CMSS1: variants seen among roughly 807,000 people sequenced by gnomAD.
CMSS1 encodes the protein protein CMSS1.
In CMSS1, 33 loss-of-function variants were observed where a neutral mutation model predicts 43.5. The ratio of observed to expected loss-of-function variants is 0.76; its 90% CI spans 0.57 to 1.01. The LOEUF is 1.01. Ranked by LOEUF, CMSS1 falls within the 50% of genes least tolerant of loss-of-function variation. The pLI is 0.00. For missense variants in CMSS1, 313 were observed against 326.4 expected, an observed-to-expected ratio of 0.96 and a Z score of 0.32; for synonymous variants, 115 against 117.2, an observed-to-expected ratio of 0.98 and a Z score of 0.12.
chr3:99,934,260 T>C (rs1707586278), intron 1 of CMSS1, among the ~76,000 whole-genome samples: 1 of 152,158 alleles, frequency 6.6e-6, no homozygotes, highest in African/African-American at 2.4e-5. Context: ...CAAGGCCACA[T>C]TGCAAAGGAA....
chr3:99,839,416 G>T (rs1266117392), intron 1 of CMSS1, among the ~76,000 whole-genome samples: 1 of 152,192 alleles, frequency 6.6e-6, no homozygotes, highest in Non-Finnish European at 1.5e-5. Flanking sequence ...CCTAATAGAA[G>T]ACATTCATGC....
intron 1 of CMSS1, among the ~76,000 whole-genome samples, chr3:100,038,756 C>T (rs1212491184): frequency 6.6e-6 from 1 of 152,162 alleles, no homozygotes; most frequent in Non-Finnish European, 1.5e-5. Context: ...CCACCTCAGC[C>T]TCCCAAGTAG....
chr3:99,853,319 C>T, intron 1 of CMSS1, among the ~76,000 whole-genome samples: 1 of 152,218 alleles, frequency 6.6e-6, no homozygotes, highest in East Asian at 1.9e-4. Context: ...CTCTACACCA[C>T]AGTTCTTACA....
At chr3:100,106,218 G>C (rs1446752518) in intron 1 of CMSS1, among the ~76,000 whole-genome samples, 1 of 152,128 alleles carries the variant, frequency 6.6e-6, no homozygotes, top group Non-Finnish European at 1.5e-5. Flanking sequence ...GTACAGCCAG[G>C]ATACCATTAT....
At chr3:100,075,982 G>A (rs1217945821) in intron 1 of CMSS1, among the ~76,000 whole-genome samples, 1 of 152,112 alleles carries the variant, frequency 6.6e-6, no homozygotes, top group East Asian at 1.9e-4. Context: ...ACCTCACTTT[G>A]AAGACACAAA....
rs925007567 is a variant in CMSS1, at chr3:99,942,558, G to A, written c.64+124515G>A. On this transcript the variant is annotated intron_variant, in intron 1 of 9. Transcript: ENST00000421999. ...TTAAGAAGTGGTTTCCTTGCCAGTC[G>A]CCGTGGCTCACGCCTGTAATCCCAG... Among the ~76,000 whole-genome samples the A allele has an allele frequency of 5.3e-5, 8 of 152,174 alleles. No individual in the cohort carries two copies. In the South Asian group the frequency reaches 1.0e-3, roughly 20 times the overall value.
At chr3:99,869,214 G>A (rs1236413216) in intron 1 of CMSS1, among the ~76,000 whole-genome samples, 2 of 152,160 alleles carry the variant, frequency 1.3e-5, no homozygotes, top group Non-Finnish European at 2.9e-5. Flanking sequence ...TTTAATTAAA[G>A]TCCAGATGGG....
intron 1 of CMSS1, among the ~76,000 whole-genome samples, chr3:99,978,900 G>A (rs1709043782): frequency 1.3e-5 from 2 of 151,854 alleles, no homozygotes; most frequent in Non-Finnish European, 2.9e-5. Flanking sequence ...AAAAAAAGAA[G>A]CAGAAGTAGG....
At chr3:99,961,701 T>TA (rs138755159) in intron 1 of CMSS1, among the ~76,000 whole-genome samples, 1 of 152,086 alleles carries the variant, frequency 6.6e-6, no homozygotes, top group African/African-American at 2.4e-5. Flanking sequence ...TGATTTAGTC[T>TA]AAAAAAAATT....
intron 1 of CMSS1, chr3:99,930,044 A>C (rs1180941658): frequency 6.3e-7 from 1 of 1,587,064 alleles, no homozygotes; most frequent in East Asian, 2.3e-5. Flanking sequence ...AGGAACAAAA[A>C]GTATTTCAGA....
chr3:99,819,571 T>C (rs79224460), intron 1 of CMSS1, among the ~76,000 whole-genome samples: 3,711 of 152,292 alleles, frequency 0.024, 86 homozygotes, highest in East Asian at 0.13. Flanking sequence ...AAAAGTTAAG[T>C]CGTGTTCTTA....
intron 1 of CMSS1, among the ~76,000 whole-genome samples, chr3:100,071,090 C>CTTTTTTTTTTT (rs61563009): frequency 1.4e-5 from 1 of 70,576 alleles, no homozygotes; most frequent in African/African-American, 6.1e-5. Context: ...GCTACTCTCT[C>CTTTTTTTTTTT]TTTTTTTTTT....
intron 1 of CMSS1, among the ~76,000 whole-genome samples, chr3:99,820,782 G>C (rs962885374): frequency 1.3e-5 from 2 of 152,162 alleles, no homozygotes; most frequent in African/African-American, 4.8e-5. Context: ...TTATTTGATA[G>C]GGATGTCAAA....
In CMSS1 at chr3:100,180,001, G is replaced by A. The variant is rs971491313; in HGVS notation, c.*1613G>A. ...CCAACAGCACGTGGAAGCTGCCAAG[G>A]CTTGGGGCTTGCACCCTCTGAAGCA... On this transcript the variant is annotated 3_prime_UTR_variant, in exon 10 of 10. Coordinates refer to ENST00000421999, the MANE Select transcript of CMSS1 (RefSeq NM_032359.4). 1 of 152,334 alleles carries A rather than the reference G, an allele frequency of 6.6e-6. No individual in the cohort carries two copies. The highest frequency in any genetic ancestry group is 1.9e-4 in the East Asian group (1 of 5,204). 9.4% of individuals were successfully genotyped at this position (152,334 alleles called of 1,614,324 possible). A position where few individuals can be genotyped will look rare whatever the true frequency, so the allele number is the denominator to read the frequency against.
intron 1 of CMSS1, among the ~76,000 whole-genome samples, chr3:99,945,711 T>G (rs1297698739): frequency 6.6e-6 from 1 of 152,188 alleles, no homozygotes; most frequent in Non-Finnish European, 1.5e-5. Flanking sequence ...ATTTTGGCAT[T>G]TAGGAGCAGC....
chr3:100,030,019 C>G (rs1381695141), intron 1 of CMSS1, among the ~76,000 whole-genome samples: 1 of 152,098 alleles, frequency 6.6e-6, no homozygotes, highest in Non-Finnish European at 1.5e-5. Context: ...TCACATTTCT[C>G]TAGCATGGAA....
At position 99,817,958 on chromosome 3, in the gene CMSS1, C is replaced by G. The variant is rs979953308; in HGVS notation, c.-22C>G. On this transcript the variant is annotated 5_prime_UTR_variant, in exon 1 of 10. Coordinates refer to ENST00000421999, the MANE Select transcript of CMSS1 (RefSeq NM_032359.4). ...TGGTCGCCTACCCGTGATGTTCTGC[C>G]CACGTCGAGACCTGAGCTGAAATGG... 1 of 1,613,562 alleles carries G rather than the reference C, an allele frequency of 6.2e-7. No individual in the cohort carries two copies. Among genetic ancestry groups the G allele is most frequent in the Non-Finnish European group, 8.5e-7 (1 of 1,179,622 alleles).
chr3:99,827,998 G>A (rs1349987593), intron 1 of CMSS1, among the ~76,000 whole-genome samples: 3 of 152,156 alleles, frequency 2.0e-5, no homozygotes, highest in Non-Finnish European at 2.9e-5. Flanking sequence ...ATGTACTTTA[G>A]GAAGTCTCCT....
chr3:99,932,297 T>C (rs1413596576), intron 1 of CMSS1, among the ~76,000 whole-genome samples: 6 of 152,178 alleles, frequency 3.9e-5, no homozygotes, highest in African/African-American at 1.4e-4. Flanking sequence ...ATGTATAGTA[T>C]TACATTTTCA....
Sources: allele counts gnomAD v4.1 joint callset (sites outside exome capture counted in the v4.1 genomes callset), GRCh38; gene constraint gnomAD v4.1.1; transcripts MANE v1.5; gene names NCBI Gene and HGNC (gene_info 2026-07-23, HGNC 2026-07-21).